The following PTPRD variants were observed in gnomAD, a reference collection of about 807,000 sequenced individuals.
PTPRD encodes the protein protein tyrosine phosphatase receptor type D.
Under a neutral mutation model 214.5 loss-of-function variants are expected in PTPRD, and 34 were observed. The observed-to-expected ratio is 0.16, with a 90% CI of 0.12 to 0.21. PTPRD has a LOEUF of 0.21. PTPRD is among the 10% of genes least tolerant of loss of function. The pLI is 1.00. For missense variants in PTPRD, 2,545 were observed against 2,398.7 expected, an observed-to-expected ratio of 1.06 and a Z score of -1.27; for synonymous variants, 1,128 against 845.7, an observed-to-expected ratio of 1.33 and a Z score of -5.79.
At chr9:9,882,747 A>T (rs1287903491) in intron 5 of PTPRD, among the ~76,000 whole-genome samples, 1 of 151,810 alleles carries the variant, frequency 6.6e-6, no homozygotes, top group Admixed American at 6.6e-5. Context: ...ACACCCCCAG[A>T]CCCACCCTGA....
At chr9:9,468,982 C>A (rs1035432514) in intron 8 of PTPRD, among the ~76,000 whole-genome samples, 1 of 152,020 alleles carries the variant, frequency 6.6e-6, no homozygotes, top group African/African-American at 2.4e-5. Flanking sequence ...CCATTCAATC[C>A]TTCATCAAAT....
intron 11 of PTPRD, among the ~76,000 whole-genome samples, chr9:8,928,054 T>A (rs1260628368): frequency 1.3e-5 from 2 of 152,312 alleles, no homozygotes; most frequent in East Asian, 1.9e-4. Context: ...GATGAGGTTG[T>A]CTTTTCCTTG....
chr9:9,820,885 G>C (rs562806262), intron 5 of PTPRD, among the ~76,000 whole-genome samples: 4 of 152,052 alleles, frequency 2.6e-5, no homozygotes, highest in Non-Finnish European at 5.9e-5. Context: ...GGCTACTATG[G>C]ACTTGCAGCA....
intron 11 of PTPRD, among the ~76,000 whole-genome samples, chr9:9,005,672 C>T (rs1422298866): frequency 6.6e-6 from 1 of 151,972 alleles, no homozygotes; most frequent in East Asian, 1.9e-4. Context: ...CCAAGGGTGC[C>T]TTTTAATAAA....
At chr9:10,590,147 G>C (rs58213515) in intron 2 of PTPRD, among the ~76,000 whole-genome samples, 1 of 151,946 alleles carries the variant, frequency 6.6e-6, no homozygotes, top group Non-Finnish European at 1.5e-5. Flanking sequence ...GTGATAATTA[G>C]CAAGATTCAA....
At chr9:10,011,231 T>C (rs1457833068) in intron 4 of PTPRD, among the ~76,000 whole-genome samples, 1 of 151,910 alleles carries the variant, frequency 6.6e-6, no homozygotes, top group Non-Finnish European at 1.5e-5. Flanking sequence ...TAACTTTTAT[T>C]TCAAATACTA....
At chr9:10,487,173 G>A (rs558610930) in intron 2 of PTPRD, among the ~76,000 whole-genome samples, 2 of 151,850 alleles carry the variant, frequency 1.3e-5, no homozygotes, top group African/African-American at 2.4e-5. Context: ...TTTATTTTCA[G>A]TCTATGGGTA....
At chr9:10,468,552 A>T (rs1316731787) in intron 2 of PTPRD, among the ~76,000 whole-genome samples, 5 of 152,176 alleles carry the variant, frequency 3.3e-5, no homozygotes, top group African/African-American at 1.2e-4. Flanking sequence ...AATGTAGATG[A>T]TGGGTTGATG....
intron 8 of PTPRD, among the ~76,000 whole-genome samples, chr9:9,511,539 C>T (rs1244786483): frequency 6.6e-6 from 1 of 151,526 alleles, no homozygotes; most frequent in African/African-American, 2.4e-5. Flanking sequence ...GAAGATCAAG[C>T]AAAAGGAAGG....
At chr9:10,409,047 C>A (rs757185788) in intron 2 of PTPRD, among the ~76,000 whole-genome samples, 2 of 151,596 alleles carry the variant, frequency 1.3e-5, no homozygotes, top group Non-Finnish European at 2.9e-5. Flanking sequence ...TGGCCTACAG[C>A]CTGTTTTTGT....
chr9:8,843,520 G>T (rs569913474), intron 11 of PTPRD, among the ~76,000 whole-genome samples: 1 of 152,102 alleles, frequency 6.6e-6, no homozygotes, highest in Non-Finnish European at 1.5e-5. Flanking sequence ...GTCGGTGCTG[G>T]TTCTATATCA....
chr9:10,363,991 G>GTTTTTTGGTTTTTTTT (rs2097450922), intron 2 of PTPRD, among the ~76,000 whole-genome samples: 1 of 35,132 alleles, frequency 2.8e-5, no homozygotes, highest in African/African-American at 1.2e-4. Flanking sequence ...ACATTTTCGG[G>GTTTTTTGGTTTTTTTT]TTTTTTTTTT....
At chr9:10,576,775 T>G (rs1591323068) in intron 2 of PTPRD, among the ~76,000 whole-genome samples, 1 of 152,190 alleles carries the variant, frequency 6.6e-6, no homozygotes, top group Non-Finnish European at 1.5e-5. Context: ...CACTTTGTCT[T>G]AAACACAACA....
intron 11 of PTPRD, among the ~76,000 whole-genome samples, chr9:8,963,372 G>T (rs1398729058): frequency 6.6e-6 from 1 of 152,026 alleles, no homozygotes; most frequent in Admixed American, 6.6e-5. Context: ...TAATACGGGT[G>T]TTCACATAGA....
chr9:8,682,129 G>A (rs2154373345), intron 12 of PTPRD, among the ~76,000 whole-genome samples: 1 of 152,214 alleles, frequency 6.6e-6, no homozygotes, highest in Non-Finnish European at 1.5e-5. Context: ...TTCAGTACAA[G>A]CTAACCACAC....
intron 7 of PTPRD, among the ~76,000 whole-genome samples, chr9:9,643,394 A>G (rs1436694729): frequency 6.6e-6 from 1 of 152,170 alleles, no homozygotes; most frequent in Non-Finnish European, 1.5e-5. Context: ...CACTAAACTC[A>G]AATTGGATTT....
chr9:9,889,428 A>G (rs2072371428), intron 5 of PTPRD, among the ~76,000 whole-genome samples: 1 of 152,174 alleles, frequency 6.6e-6, no homozygotes, highest in Non-Finnish European at 1.5e-5. Flanking sequence ...TATTTAAATA[A>G]ATATAGAAGT....
intron 12 of PTPRD, among the ~76,000 whole-genome samples, chr9:8,724,487 A>T (rs2098536687): frequency 6.6e-6 from 1 of 152,138 alleles, no homozygotes; most frequent in African/African-American, 2.4e-5. Flanking sequence ...CCTCCCTCCA[A>T]AGAATTTTTC....
At chr9:9,916,003 T>C (rs1215152675) in intron 5 of PTPRD, among the ~76,000 whole-genome samples, 1 of 151,212 alleles carries the variant, frequency 6.6e-6, no homozygotes, top group Non-Finnish European at 1.5e-5. Flanking sequence ...GAATTTCCAC[T>C]AGATTAACAG....
Sources: gnomAD v4.1 joint callset for allele counts (sites outside exome capture counted in the v4.1 genomes callset) on GRCh38, gnomAD v4.1.1 for gene constraint, MANE v1.5 for transcripts, NCBI Gene and HGNC (gene_info 2026-07-23, HGNC 2026-07-21) for gene names.